Variants in TCF7L2 observed in about 807,000 individuals in gnomAD.
The protein encoded by TCF7L2 is transcription factor 7 like 2, also known as transcription factor 7-like 2.
A neutral mutation model predicts 77.9 loss-of-function variants in TCF7L2; 23 were observed. The ratio of observed to expected loss-of-function variants is 0.30; its 90% CI spans 0.21 to 0.42. TCF7L2 has a LOEUF of 0.42. Ranked by LOEUF, TCF7L2 falls within the 10% of genes least tolerant of loss-of-function variation. The probability of loss-of-function intolerance (pLI) is 1.00; values close to 1 mark genes in which losing one functional copy is unlikely to be tolerated. For missense variants in TCF7L2, 654 were observed against 793.1 expected (o/e 0.82, Z 2.11); for synonymous variants, 413 against 340.2 (o/e 1.21, Z -2.36).
intron 1 of TCF7L2, 56 bp from the exon 2 acceptor site, chr10:112,951,151 C>A: frequency 6.9e-7 from 1 of 1,451,040 alleles, no homozygotes; most frequent in Non-Finnish European, 9.4e-7. Context: ...TCCCCCTTCT[C>A]CCCCTTCTGC....
chr10:113,092,452 G>C (rs1179785295), intron 5 of TCF7L2, among the ~76,000 whole-genome samples: 5 of 152,226 alleles, frequency 3.3e-5, no homozygotes, highest in Admixed American at 2.6e-4. Context: ...CAGGCAATTG[G>C]CAAGATTCTT....
chr10:112,953,133 T>C (rs747779485), intron 3 of TCF7L2, among the ~76,000 whole-genome samples: 1 of 152,164 alleles, frequency 6.6e-6, no homozygotes, highest in Non-Finnish European at 1.5e-5. Context: ...CTACAAGTGT[T>C]TTTAAGCATT....
rs2134267084 is a variant in TCF7L2, at chr10:113,040,139, C to A, written c.552+13C>A. 6.2e-7 allele frequency: 1 copy of A among 1,610,762 alleles called. No individual in the cohort carries two copies. Among genetic ancestry groups the A allele is most frequent in the Non-Finnish European group, 8.5e-7 (1 of 1,177,964 alleles). ...GGCACACATTGTCGTAAGTAACCTC[C>A]CAGAGATGATGGCTTCCTTTATTGA... On this transcript the variant is annotated intron_variant, in intron 5 of 13. Transcript: ENST00000627217.
At chr10:113,127,589 G>GT (rs982343165) in intron 5 of TCF7L2, among the ~76,000 whole-genome samples, 3 of 151,788 alleles carry the variant, frequency 2.0e-5, no homozygotes, top group African/African-American at 7.3e-5. Flanking sequence ...TTGGGGAAGT[G>GT]TTTTTTTGTT....
At position 113,037,850 on chromosome 10, in the gene TCF7L2, G is replaced by A. The variant is rs114713592; in HGVS notation, c.451-2175G>A. 9.1e-3 allele frequency among the ~76,000 whole-genome samples: 1,392 copies of A among 152,278 alleles called. 18 individuals are homozygous for A. The highest frequency in any genetic ancestry group is 0.032 in the African/African-American group (1,322 of 41,558). On this transcript the variant is annotated intron_variant, in intron 4 of 13. Coordinates refer to ENST00000627217, the MANE Select transcript of TCF7L2 (RefSeq NM_001146274.2). ...GACTCCATTTGGCATTTTTGTTCAC[G>A]GGTTTTTATGAGATGGAGAGGTGAG...
chr10:113,080,570 C>A (rs2059220194), intron 5 of TCF7L2, among the ~76,000 whole-genome samples: 1 of 152,166 alleles, frequency 6.6e-6, no homozygotes, highest in Admixed American at 6.5e-5. Flanking sequence ...TGTGGGAATG[C>A]ATTGTTCTTG....
chr10:113,009,839 A>G (rs1406634609), intron 4 of TCF7L2, among the ~76,000 whole-genome samples: 1 of 152,184 alleles, frequency 6.6e-6, no homozygotes, highest in Non-Finnish European at 1.5e-5. Flanking sequence ...GGGGAGAGGT[A>G]AGGGAGAGAT....
At chr10:112,958,043 A>G (rs1274796845) in intron 3 of TCF7L2, among the ~76,000 whole-genome samples, 1 of 152,178 alleles carries the variant, frequency 6.6e-6, no homozygotes, top group Non-Finnish European at 1.5e-5. Context: ...GAAACTTACT[A>G]GCCCTCAGGG....
intron 4 of TCF7L2, among the ~76,000 whole-genome samples, chr10:113,014,130 T>C (rs1424913947): frequency 1.3e-5 from 2 of 152,212 alleles, no homozygotes; most frequent in East Asian, 1.9e-4. Context: ...GTGGTCCTTA[T>C]TAAGAAGGGT....
intron 4 of TCF7L2, among the ~76,000 whole-genome samples, chr10:112,978,746 T>C (rs1461553787): frequency 6.6e-6 from 1 of 151,718 alleles, no homozygotes; most frequent in Admixed American, 6.6e-5. Context: ...CCCAAAGTGC[T>C]GGGATTATAG....
At position 113,161,760 on chromosome 10, in the gene TCF7L2, T is replaced by TC. The variant is rs1236490898; in HGVS notation, c.1391+1075dup. On this transcript the variant is annotated intron_variant, in intron 13 of 13. Transcript: ENST00000627217. ...ATGCCCACGAGTCTCCTGTGTCTCTTCCCCCCTTCTCTGATGCCAATACGA... is the reference window on the plus strand; with the variant it reads ...ATGCCCACGAGTCTCCTGTGTCTCTTCCCCCCCTTCTCTGATGCCAATACGA... Among the ~76,000 whole-genome samples, 3 of 152,076 alleles carry TC rather than the reference T, an allele frequency of 2.0e-5. No individual in the cohort carries two copies. In the East Asian group the frequency reaches 5.8e-4, roughly 29 times the overall value.
chr10:112,984,478 T>G (rs1205344462), intron 4 of TCF7L2, among the ~76,000 whole-genome samples: 1 of 152,164 alleles, frequency 6.6e-6, no homozygotes, highest in African/African-American at 2.4e-5. Flanking sequence ...GGTTAGTTCC[T>G]CTAAGTGATG....
chr10:113,002,913 T>C (rs536009442), intron 4 of TCF7L2, among the ~76,000 whole-genome samples: 1 of 152,368 alleles, frequency 6.6e-6, no homozygotes, highest in African/African-American at 2.4e-5. Flanking sequence ...TCAATACATT[T>C]TGCTCATCTC....
chr10:113,152,106 G>A (rs777377644), intron 10 of TCF7L2, among the ~76,000 whole-genome samples: 2 of 152,194 alleles, frequency 1.3e-5, no homozygotes, highest in African/African-American at 4.8e-5. Context: ...CCGAGCGAGT[G>A]AGCAAATGAC....
At chr10:113,071,264 G>T (rs1190695245) in intron 5 of TCF7L2, among the ~76,000 whole-genome samples, 5 of 152,150 alleles carry the variant, frequency 3.3e-5, no homozygotes, top group Non-Finnish European at 5.9e-5. Context: ...TAGAATGTTT[G>T]CTGGGTTAGC....
At chr10:113,103,221 T>C (rs1199802031) in intron 5 of TCF7L2, among the ~76,000 whole-genome samples, 1 of 152,124 alleles carries the variant, frequency 6.6e-6, no homozygotes, top group African/African-American at 2.4e-5. Flanking sequence ...TGTCCTGTAA[T>C]GTGGAAGTGG....
intron 11 of TCF7L2, among the ~76,000 whole-genome samples, 173 bp downstream of exon 11, chr10:113,152,613 T>A (rs1181588400): frequency 6.6e-6 from 1 of 152,172 alleles, no homozygotes; most frequent in Middle Eastern, 3.2e-3. Flanking sequence ...GGGAGGGGCT[T>A]CCCGTGTGGA....
chr10:113,074,414 CAT>C (rs556757372), intron 5 of TCF7L2, among the ~76,000 whole-genome samples: 123 of 152,274 alleles, frequency 8.1e-4, no homozygotes, highest in African/African-American at 2.9e-3. Flanking sequence ...GACGTAAACA[CAT>C]ATGGGAACCC....
At chr10:113,069,452 A>G (rs557654147) in intron 5 of TCF7L2, among the ~76,000 whole-genome samples, 2 of 151,576 alleles carry the variant, frequency 1.3e-5, no homozygotes, top group East Asian at 3.9e-4. Flanking sequence ...CTGGTCTCGA[A>G]CTCCTGACCT....
Sources: allele counts gnomAD v4.1 joint callset (sites outside exome capture counted in the v4.1 genomes callset), GRCh38; gene constraint gnomAD v4.1.1; transcripts MANE v1.5; gene names NCBI Gene and HGNC (gene_info 2026-07-23, HGNC 2026-07-21).